RAB33B: variants seen among roughly 807,000 people sequenced by gnomAD.
The protein encoded by RAB33B is ras-related protein Rab-33B.
Under a neutral mutation model 15.0 loss-of-function variants are expected in RAB33B, and 6 were observed. The ratio of observed to expected loss-of-function variants is 0.40; its 90% CI spans 0.22 to 0.79. The LOEUF (loss-of-function observed/expected upper bound fraction) is 0.79, where lower values mean the gene tolerates loss of function less well. RAB33B is among the 30% of genes least tolerant of loss of function. The probability of loss-of-function intolerance (pLI) is 0.37; values close to 1 mark genes in which losing one functional copy is unlikely to be tolerated. For missense variants in RAB33B, 257 were observed against 296.4 expected, an observed-to-expected ratio of 0.87 and a Z score of 0.98; for synonymous variants, 117 against 108.3, an observed-to-expected ratio of 1.08 and a Z score of -0.50.
intron 1 of RAB33B, among the ~76,000 whole-genome samples, chr4:139,465,041 C>G (rs13118261): frequency 2.0e-5 from 3 of 152,044 alleles, no homozygotes; most frequent in African/African-American, 7.2e-5. Flanking sequence ...CACATCCTCT[C>G]CAGCACCTGT....
the RAB33B span, among the ~76,000 whole-genome samples, chr4:139,441,205 C>T: frequency 4.1e-3 from 627 of 152,296 alleles, 6 homozygotes; most frequent in African/African-American, 0.013. Flanking sequence ...TTAAAGGTTA[C>T]GCTTAAAACA....
chr4:139,454,194 G>T lies in RAB33B; in HGVS notation c.-2G>T, dbSNP rs1035871076. 1.2e-6 allele frequency: 2 copies of T among 1,609,092 alleles called. No individual in the cohort carries two copies. Among genetic ancestry groups the T allele is most frequent in the African/African-American group, 2.7e-5 (2 of 74,862 alleles). On this transcript the variant is annotated 5_prime_UTR_variant, in exon 1 of 2. Coordinates refer to ENST00000305626, the MANE Select transcript of RAB33B (RefSeq NM_031296.3). ...CGCCTCAGTTTGGGGCGGGTCGGGGGAATGGCTGAGGAGATGGAGTCGTCG... is the reference window on the plus strand; with the variant it reads ...CGCCTCAGTTTGGGGCGGGTCGGGGTAATGGCTGAGGAGATGGAGTCGTCG...
At chr4:139,454,053 G>A, upstream of RAB33B, 1 of 996,030 alleles carries the variant, frequency 1.0e-6, no homozygotes, top group Non-Finnish European at 1.4e-6. Flanking sequence ...AGGTGCGCAG[G>A]CGCGCTCGGG....
upstream of RAB33B, chr4:139,452,507 G>A (rs1749949745): frequency 6.6e-6 from 1 of 152,134 alleles, no homozygotes; most frequent in Admixed American, 6.6e-5. Context: ...CCTTTGAATG[G>A]GATAGGTAGA....
chr4:139,445,332 C>A, the RAB33B span, among the ~76,000 whole-genome samples: 1 of 152,200 alleles, frequency 6.6e-6, no homozygotes, highest in Non-Finnish European at 1.5e-5. Context: ...AACTTGATCT[C>A]TTTTTGCTTC....
chr4:139,476,518 G>A lies in RAB33B; in HGVS notation c.*3392G>A, dbSNP rs533924064. The A allele has an allele frequency of 3.3e-5, 5 of 152,334 alleles. No individual in the cohort carries two copies. The highest frequency in any genetic ancestry group is 1.2e-4 in the African/African-American group (5 of 41,574). 9.4% of individuals were successfully genotyped at this position (152,334 alleles called of 1,614,324 possible). On this transcript the variant is annotated 3_prime_UTR_variant, in exon 2 of 2. Coordinates refer to ENST00000305626, the MANE Select transcript of RAB33B (RefSeq NM_031296.3). ...TTGCTACAGCCTGTGTGGCAAGGGC[G>A]AATGCACTTGGTTTGTTGGAATAAC...
chr4:139,461,030 C>T (rs1325192535), intron 1 of RAB33B, among the ~76,000 whole-genome samples: 1 of 152,198 alleles, frequency 6.6e-6, no homozygotes, highest in African/African-American at 2.4e-5. Flanking sequence ...GTCAAGATCT[C>T]TTGCTTTGGA....
intron 1 of RAB33B, among the ~76,000 whole-genome samples, chr4:139,465,107 T>A (rs933971078): frequency 6.6e-6 from 1 of 152,212 alleles, no homozygotes; most frequent in Non-Finnish European, 1.5e-5. Context: ...GGTATCTCAT[T>A]GTGGTTTTGA....
At chr4:139,446,718 G>C in the RAB33B span, among the ~76,000 whole-genome samples, 5 of 152,332 alleles carry the variant, frequency 3.3e-5, no homozygotes, top group African/African-American at 1.2e-4. Flanking sequence ...AGTTACGCCT[G>C]TCATTGCCCA....
chr4:139,453,675 C>G (rs1202806843), upstream of RAB33B: 1 of 152,378 alleles, frequency 6.6e-6, no homozygotes, highest in Non-Finnish European at 1.5e-5. Context: ...GCCGTCGGCT[C>G]CGTCCTTACC....
chr4:139,454,444 G>A lies in RAB33B; in HGVS notation c.249G>A (p.Lys83=). 1 of 1,607,218 alleles carries A rather than the reference G, an allele frequency of 6.2e-7. No individual in the cohort carries two copies. The highest frequency in any genetic ancestry group is 8.5e-7 in the Non-Finnish European group (1 of 1,179,844). Reference sequence around the variant, plus strand: ...TGGAGATTGATGGGGAGCGCATCAAGGTGAGCGGATGGGGAACTGTTGGGG... The same window carrying A: ...TGGAGATTGATGGGGAGCGCATCAAAGTGAGCGGATGGGGAACTGTTGGGG... ...RAVEIDGERI[K]IQLWDTAGQE... Residue 83 remains lysine (K), a splice_region_variant and synonymous_variant, in exon 1 of 2, where the codon AAG becomes AAA. Coordinates refer to ENST00000305626, the MANE Select transcript of RAB33B (RefSeq NM_031296.3).
intron 1 of RAB33B, among the ~76,000 whole-genome samples, chr4:139,455,658 A>G (rs1750056054): frequency 6.6e-6 from 1 of 152,154 alleles, no homozygotes; most frequent in Non-Finnish European, 1.5e-5. Context: ...GCTTTGTATT[A>G]GGGAATTTAG....
chr4:139,453,964 G>T, upstream of RAB33B: 1 of 408,490 alleles, frequency 2.4e-6, no homozygotes, highest in East Asian at 4.4e-5. Context: ...AGTGACGCCT[G>T]GCGTGTGGCC....
chr4:139,471,980 T>C (rs909540754), intron 1 of RAB33B, among the ~76,000 whole-genome samples: 7 of 152,196 alleles, frequency 4.6e-5, no homozygotes, highest in Non-Finnish European at 1.0e-4. Flanking sequence ...TGTTGAATTT[T>C]CTTGGTAATC....
upstream of RAB33B, chr4:139,454,081 C>G: frequency 7.8e-7 from 1 of 1,276,052 alleles, no homozygotes; most frequent in Non-Finnish European, 1.1e-6. Context: ...GGCGGTGGCT[C>G]CTGGGAAGTT....
At chr4:139,449,174 G>A (rs1749879621), upstream of RAB33B, 1 of 152,194 alleles carries the variant, frequency 6.6e-6, no homozygotes, top group African/African-American at 2.4e-5. Flanking sequence ...TTTATCATGG[G>A]ACATTAAGAT....
chr4:139,459,322 C>T lies in RAB33B; in HGVS notation c.249+4878C>T, dbSNP rs184185727. On this transcript the variant is annotated intron_variant, in intron 1 of 1. Coordinates refer to ENST00000305626, the MANE Select transcript of RAB33B (RefSeq NM_031296.3). ...TACGGTGGCATGTACCTGCAGTCCCCGCTGCTCAGGAGGTAAGGCAGGAGG... is the reference window on the plus strand; with the variant it reads ...TACGGTGGCATGTACCTGCAGTCCCTGCTGCTCAGGAGGTAAGGCAGGAGG... Among the ~76,000 whole-genome samples, 116 of 151,934 alleles carry T rather than the reference C, an allele frequency of 7.6e-4. 1 individual carries two copies. The highest frequency in any genetic ancestry group is 1.6e-3 in the Admixed American group (24 of 15,230).
At chr4:139,448,903 G>A (rs771068953), upstream of RAB33B, 2 of 152,248 alleles carry the variant, frequency 1.3e-5, no homozygotes, top group African/African-American at 2.4e-5. Context: ...TGCATGGGTA[G>A]GAATGTGAAT....
chr4:139,449,143 AG>A (rs1187585388), upstream of RAB33B: 6 of 152,238 alleles, frequency 3.9e-5, no homozygotes, highest in Admixed American at 3.9e-4. Flanking sequence ...TACAGGCGTG[AG>A]CCACTGCGCC....
Sources: gnomAD v4.1 joint callset for allele counts (sites outside exome capture counted in the v4.1 genomes callset) on GRCh38, gnomAD v4.1.1 for gene constraint, MANE v1.5 for transcripts, NCBI Gene and HGNC (gene_info 2026-07-23, HGNC 2026-07-21) for gene names.